The following KDM2A variants were observed in gnomAD, a reference collection of about 807,000 sequenced individuals.
The protein encoded by KDM2A is lysine demethylase 2A.
Under a neutral mutation model 137.3 loss-of-function variants are expected in KDM2A, and 3 were observed. The ratio of observed to expected loss-of-function variants is 0.02; its 90% confidence interval spans 0.01 to 0.06. The LOEUF (loss-of-function observed/expected upper bound fraction) is 0.06, where lower values mean the gene tolerates loss of function less well. KDM2A is among the 10% of genes least tolerant of loss of function. The probability of loss-of-function intolerance (pLI) is 1.00; values close to 1 mark genes in which losing one functional copy is unlikely to be tolerated. For synonymous variants in KDM2A, 512 were observed against 541.5 expected (o/e 0.95, Z 0.76); for missense variants, 738 against 1,510.6 (o/e 0.49, Z 8.48).
At chr11:67,193,567 T>TA (rs1434257241) in intron 5 of KDM2A, among the ~76,000 whole-genome samples, 1 of 152,114 alleles carries the variant, frequency 6.6e-6, no homozygotes, top group Non-Finnish European at 1.5e-5. Flanking sequence ...TCCTTTTAAA[T>TA]ACGTATATAT....
chr11:67,147,112 G>A (rs1017082555), intron 2 of KDM2A, among the ~76,000 whole-genome samples: 50 of 152,236 alleles, frequency 3.3e-4, no homozygotes, highest in South Asian at 2.1e-4. Flanking sequence ...ATGTAAGTCC[G>A]ATGTATGTCA....
chr11:67,187,474 A>G (rs1316265589), intron 5 of KDM2A, among the ~76,000 whole-genome samples: 2 of 152,204 alleles, frequency 1.3e-5, no homozygotes, highest in Non-Finnish European at 2.9e-5. Flanking sequence ...ATTCCATGCA[A>G]ACAGTAACCA....
intron 2 of KDM2A, among the ~76,000 whole-genome samples, chr11:67,165,848 CTT>C: frequency 6.6e-6 from 1 of 152,124 alleles, no homozygotes; most frequent in South Asian, 2.1e-4. Flanking sequence ...AAAGGTCACT[CTT>C]ACTTCCCCTT....
intron 6 of KDM2A, among the ~76,000 whole-genome samples, chr11:67,210,339 A>G (rs1330339542): frequency 1.0e-4 from 15 of 148,078 alleles, no homozygotes; most frequent in Admixed American, 8.1e-4. Context: ...TCTACTTTTG[A>G]AAAAAAAAAC....
intron 12 of KDM2A, among the ~76,000 whole-genome samples, chr11:67,239,433 C>A (rs1858961120): frequency 6.6e-6 from 1 of 152,132 alleles, no homozygotes; most frequent in South Asian, 2.1e-4. Flanking sequence ...TATTGAATAT[C>A]TCAATATTGG....
At chr11:67,244,708 G>A (rs555959613) in intron 13 of KDM2A, among the ~76,000 whole-genome samples, 28 of 152,024 alleles carry the variant, frequency 1.8e-4, no homozygotes, top group African/African-American at 4.1e-4. Context: ...TTGATTGGCC[G>A]GGTGTGGTGG....
At chr11:67,166,657 C>G (rs1045354203) in intron 2 of KDM2A, among the ~76,000 whole-genome samples, 1 of 150,972 alleles carries the variant, frequency 6.6e-6, no homozygotes, top group Non-Finnish European at 1.5e-5. Context: ...GCAAGGAGTT[C>G]TGGGCTGTAA....
intron 5 of KDM2A, among the ~76,000 whole-genome samples, chr11:67,206,840 AGTT>A (rs1374574985): frequency 1.3e-5 from 2 of 152,344 alleles, no homozygotes; most frequent in East Asian, 3.9e-4. Context: ...GTTTTGTTGT[AGTT>A]GTTATAGTTA....
chr11:67,137,675 A>C (rs573151442), intron 2 of KDM2A, among the ~76,000 whole-genome samples: 1 of 152,206 alleles, frequency 6.6e-6, no homozygotes, highest in African/African-American at 2.4e-5. Flanking sequence ...GCAAAGGAGC[A>C]TAAGTTCAGT....
intron 12 of KDM2A, among the ~76,000 whole-genome samples, chr11:67,242,278 A>ATGTGTG (rs35881675): frequency 6.8e-6 from 1 of 148,090 alleles, no homozygotes. Flanking sequence ...GGGTGTGTGT[A>ATGTGTG]TGTGTGTGTG....
rs535846188 is a variant in KDM2A, at chr11:67,182,928, C to T, written c.307+1036C>T. On this transcript the variant is annotated intron_variant, in intron 5 of 20. Coordinates refer to ENST00000529006, the MANE Select transcript of KDM2A (RefSeq NM_012308.3). Reference sequence around the variant, plus strand: ...CACTAGAATTTCTATTATCTTTTGTCCTCTGTACTAAAGCTCCAGTGCCAT... The same window carrying T: ...CACTAGAATTTCTATTATCTTTTGTTCTCTGTACTAAAGCTCCAGTGCCAT... 5.4e-4 allele frequency among the ~76,000 whole-genome samples: 82 copies of T among 152,280 alleles called. 1 individual carries two copies. Among genetic ancestry groups the T allele is most frequent in the Non-Finnish European group, 7.8e-4 (53 of 68,016 alleles).
At chr11:67,147,823 G>A (rs1240779152) in intron 2 of KDM2A, among the ~76,000 whole-genome samples, 3 of 151,478 alleles carry the variant, frequency 2.0e-5, no homozygotes, top group African/African-American at 7.3e-5. Flanking sequence ...GATTACAGGC[G>A]CCTGCCACCA....
intron 5 of KDM2A, among the ~76,000 whole-genome samples, chr11:67,201,214 A>T (rs372143811): frequency 5.3e-5 from 1 of 18,918 alleles, no homozygotes; most frequent in South Asian, 3.4e-3. Flanking sequence ...ATATATATAT[A>T]TATATGTGTG....
In KDM2A at chr11:67,217,825, G is replaced by A. The variant is rs1451046129; in HGVS notation, c.782G>A (p.Arg261Gln). ...GKQGDIFLGD[R>Q]VSDCQRIELK... ...CAGGGAGACATCTTTCTGGGTGACC[G>A]GGTATCAGATTGTCAGCGCATTGAG... is the stretch of plus-strand genomic sequence containing the variant. Residue 261 changes from arginine (R) to glutamine (Q), a missense_variant, in exon 9 of 21, where the codon CGG becomes CAG. This residue lies in a region of KDM2A where 43 missense variants were observed against 254.6 expected (regional missense o/e 0.17). Transcript: ENST00000529006. 3 of 1,613,164 alleles carry A rather than the reference G, an allele frequency of 1.9e-6. No individual in the cohort carries two copies. Among genetic ancestry groups the A allele is most frequent in the East Asian group, 2.2e-5 (1 of 44,848 alleles).
At chr11:67,145,430 C>T (rs940827165) in intron 2 of KDM2A, among the ~76,000 whole-genome samples, 5 of 151,782 alleles carry the variant, frequency 3.3e-5, no homozygotes, top group Non-Finnish European at 5.9e-5. Context: ...GTGTAGGTGC[C>T]AGTGAGCTGA....
rs142427113 is a variant in KDM2A at position 67,198,316 on chromosome 11, A to ATTT, written c.308-9181_308-9179dup. The stretch of plus-strand genomic sequence containing the variant: ...TTTTATTGCACTTTGCAGATAGTGT[A>ATTT]TTTTTTTTTTTTTTTAACAAATTGA... On this transcript the variant is annotated intron_variant, in intron 5 of 20. Coordinates refer to ENST00000529006, the MANE Select transcript of KDM2A (RefSeq NM_012308.3). 6.3e-3 allele frequency among the ~76,000 whole-genome samples: 899 copies of ATTT among 142,584 alleles called. 11 individuals carry two copies. The highest frequency in any genetic ancestry group is 0.054 in the East Asian group (264 of 4,846). The allele number at this position is 142,584 out of a possible 152,430, so 93.5% of individuals were successfully genotyped here. A position where few individuals can be genotyped will look rare whatever the true frequency, so the allele number is the denominator to read the frequency against.
At chr11:67,126,278 A>T (rs938391908) in intron 2 of KDM2A, among the ~76,000 whole-genome samples, 5 of 151,494 alleles carry the variant, frequency 3.3e-5, no homozygotes, top group African/African-American at 9.7e-5. Context: ...TAACTAGTTT[A>T]AAAAAATTGT....
chr11:67,240,027 T>TC, intron 12 of KDM2A: 1 of 1,296,890 alleles, frequency 7.7e-7, no homozygotes, highest in South Asian at 2.5e-5. Context: ...CTCGCTCGGC[T>TC]CCCCCTCCTG....
At chr11:67,238,848 T>G (rs916861444) in intron 12 of KDM2A, among the ~76,000 whole-genome samples, 8 of 152,236 alleles carry the variant, frequency 5.3e-5, no homozygotes, top group Non-Finnish European at 7.3e-5. Flanking sequence ...TGCTAAGTAT[T>G]TGATTCCTAC....
Sources: gnomAD v4.1 joint callset for allele counts (sites outside exome capture counted in the v4.1 genomes callset) on GRCh38, gnomAD v4.1.1 for gene constraint, gnomAD v4.1.1 regional missense constraint, MANE v1.5 for transcripts, NCBI Gene and HGNC (gene_info 2026-07-23, HGNC 2026-07-21) for gene names.